Variants in FBXO4 observed in about 807,000 individuals in gnomAD.
FBXO4 encodes the protein F-box only protein 4.
Under a neutral mutation model 43.7 loss-of-function variants are expected in FBXO4, and 36 were observed. The observed-to-expected ratio is 0.82, with a 90% CI of 0.63 to 1.09. The LOEUF (loss-of-function observed/expected upper bound fraction) is 1.09. Among genes scored for constraint, FBXO4 ranks in the 50% least tolerant of loss-of-function variants. FBXO4 has a pLI of 0.00. For synonymous variants in FBXO4, 180 were observed against 165.6 expected, an observed-to-expected ratio of 1.09 and a Z score of -0.67; for missense variants, 435 against 474.1, an observed-to-expected ratio of 0.92 and a Z score of 0.77.
the FBXO4 span, among the ~76,000 whole-genome samples, chr5:42,020,303 TAAC>T: frequency 6.6e-6 from 1 of 152,182 alleles, no homozygotes; most frequent in Non-Finnish European, 1.5e-5. Context: ...ATCAATCAAG[TAAC>T]AATTATTGAT....
the FBXO4 span, among the ~76,000 whole-genome samples, chr5:41,973,761 C>T: frequency 9.2e-5 from 14 of 152,136 alleles, no homozygotes; most frequent in Admixed American, 2.0e-4. Context: ...TCTTTTGTTG[C>T]TATTGTCATT....
At chr5:42,029,807 T>C in the FBXO4 span, among the ~76,000 whole-genome samples, 5 of 152,178 alleles carry the variant, frequency 3.3e-5, no homozygotes, top group East Asian at 9.7e-4. Context: ...TTGATTCTTT[T>C]AAATTATTTT....
the FBXO4 span, among the ~76,000 whole-genome samples, chr5:41,999,481 A>ATATATATG: frequency 4.0e-3 from 42 of 10,374 alleles, 1 homozygote; most frequent in African/African-American, 7.3e-3. Flanking sequence ...ATATATACAC[A>ATATATATG]TATATATATA....
the FBXO4 span, among the ~76,000 whole-genome samples, chr5:42,036,227 A>ATTT: frequency 7.5e-5 from 11 of 147,184 alleles, 1 homozygote; most frequent in Admixed American, 7.5e-4. Context: ...TCTTCTCTTC[A>ATTT]TTTTTTTTTT....
chr5:41,938,807 G>A (rs1751920096), intron 5 of FBXO4, among the ~76,000 whole-genome samples: 1 of 152,136 alleles, frequency 6.6e-6, no homozygotes, highest in Admixed American at 6.5e-5. Flanking sequence ...GTCAGCTGGG[G>A]GCTGTTATCA....
At chr5:42,026,654 G>A in the FBXO4 span, among the ~76,000 whole-genome samples, 4 of 151,762 alleles carry the variant, frequency 2.6e-5, no homozygotes, top group African/African-American at 9.7e-5. Context: ...TTAGATGAAA[G>A]GATTTCCGTT....
At chr5:41,999,520 T>TAC in the FBXO4 span, among the ~76,000 whole-genome samples, 2 of 112,754 alleles carry the variant, frequency 1.8e-5, no homozygotes, top group African/African-American at 4.6e-5. Flanking sequence ...TATATATATA[T>TAC]ATACATATAT....
chr5:42,022,202 C>T, the FBXO4 span, among the ~76,000 whole-genome samples: 5 of 152,094 alleles, frequency 3.3e-5, no homozygotes, highest in Non-Finnish European at 5.9e-5. Flanking sequence ...CTTAAAGTGG[C>T]TTCCCCACAA....
the FBXO4 span, among the ~76,000 whole-genome samples, chr5:42,027,475 AC>A: frequency 6.6e-6 from 1 of 151,166 alleles, no homozygotes; most frequent in Non-Finnish European, 1.5e-5. Context: ...ATTTTGTTTA[AC>A]TTTTTTGAAA....
At chr5:41,963,217 C>G in the FBXO4 span, among the ~76,000 whole-genome samples, 8 of 151,722 alleles carry the variant, frequency 5.3e-5, no homozygotes, top group African/African-American at 1.9e-4. Flanking sequence ...TATATACACA[C>G]ACTACACATA....
chr5:41,945,661 G>C (rs777257789), downstream of FBXO4, among the ~76,000 whole-genome samples: 6 of 152,180 alleles, frequency 3.9e-5, no homozygotes. Context: ...AATGGAATGC[G>C]ACCCTTATGG....
At chr5:42,016,825 A>G in the FBXO4 span, among the ~76,000 whole-genome samples, 1 of 152,072 alleles carries the variant, frequency 6.6e-6, no homozygotes, top group Admixed American at 6.6e-5. Context: ...CTCAATTATG[A>G]TACTTAGTTT....
the FBXO4 span, among the ~76,000 whole-genome samples, chr5:41,994,031 G>A: frequency 1.3e-5 from 2 of 152,008 alleles, no homozygotes; most frequent in Non-Finnish European, 2.9e-5. Context: ...TCAAGTTGAC[G>A]CTCAGAATTA....
intron 2 of FBXO4, among the ~76,000 whole-genome samples, chr5:41,927,478 A>G (rs1751544031): frequency 6.6e-6 from 1 of 152,202 alleles, no homozygotes; most frequent in African/African-American, 2.4e-5. Flanking sequence ...TATAAGTAGT[A>G]TAGATGGCAA....
At position 41,941,207 on chromosome 5, in the gene FBXO4, G is replaced by T; in HGVS notation, c.1090G>T (p.Ala364Ser). 6.2e-7 allele frequency: 1 copy of T among 1,613,540 alleles called. No individual in the cohort carries two copies. Among genetic ancestry groups the T allele is most frequent in the East Asian group, 2.2e-5 (1 of 44,840 alleles). The change falls in exon 7 of 7, where the codon GCT becomes TCT. Residue 364 changes from alanine to serine, a missense_variant. Physicochemically the swap from Ala to Ser is moderately conservative, Grantham distance 99 (BLOSUM62 1). Coordinates refer to ENST00000281623, the MANE Select transcript of FBXO4 (RefSeq NM_012176.3). ...NHPWLVQDTE[A>S]ETLTGFLNGI... ...GTATTCCGAGGTCCAGGATACAGAG[G>T]CTGAAACTCTGACTGGTTTTTTGAA...
chr5:42,024,946 A>G, the FBXO4 span, among the ~76,000 whole-genome samples: 1 of 151,966 alleles, frequency 6.6e-6, no homozygotes, highest in Non-Finnish European at 1.5e-5. Flanking sequence ...TTATCCATCC[A>G]TCTGCTGATG....
the FBXO4 span, among the ~76,000 whole-genome samples, chr5:42,020,016 C>T: frequency 1.7e-4 from 26 of 151,964 alleles, no homozygotes; most frequent in Admixed American, 1.5e-3. Flanking sequence ...AAAGCATGAA[C>T]GACTTAATTT....
the FBXO4 span, among the ~76,000 whole-genome samples, chr5:42,037,880 G>T: frequency 1.3e-5 from 2 of 151,988 alleles, no homozygotes; most frequent in African/African-American, 4.8e-5. Flanking sequence ...TTTATTTGAT[G>T]GTCTCCTCTC....
the FBXO4 span, among the ~76,000 whole-genome samples, chr5:41,982,717 A>C: frequency 4.9e-3 from 742 of 152,030 alleles, 7 homozygotes; most frequent in African/African-American, 0.017. Flanking sequence ...GCAATTATGT[A>C]TTTTATTATT....
Sources: gnomAD v4.1 joint callset for allele counts (sites outside exome capture counted in the v4.1 genomes callset) on GRCh38, gnomAD v4.1.1 for gene constraint, MANE v1.5 for transcripts, NCBI Gene and HGNC (gene_info 2026-07-23, HGNC 2026-07-21) for gene names.